FZD5: variants seen among roughly 807,000 people sequenced by gnomAD.
FZD5 encodes the protein frizzled-5.
In FZD5, 12 loss-of-function variants were observed where a neutral mutation model predicts 40.8. The ratio of observed to expected loss-of-function variants is 0.29; its 90% CI spans 0.19 to 0.48. The LOEUF (loss-of-function observed/expected upper bound fraction) is 0.48, where lower values mean the gene tolerates loss of function less well. FZD5 is among the 20% of genes least tolerant of loss of function. The pLI, the probability that FZD5 is intolerant of heterozygous loss-of-function variation, is 0.99. For missense variants in FZD5, 622 were observed against 832.8 expected, an observed-to-expected ratio of 0.75 and a Z score of 3.12; for synonymous variants, 380 against 383.7, an observed-to-expected ratio of 0.99 and a Z score of 0.11.
rs759024245 is a variant in FZD5, at chr2:207,768,226, G to A, written c.514C>T (p.Pro172Ser). The A allele has an allele frequency of 2.6e-6, 4 of 1,564,740 alleles. No homozygotes were observed. The highest frequency in any genetic ancestry group is 2.6e-6 in the Non-Finnish European group (3 of 1,161,006). ...PFPAKPTLPG[P>S]PGAPASGGEC... is the part of the protein sequence containing the mutation. ...CCCCCCGAGGCCGGCGCCCCTGGCG[G>A]GCCTGGAAGGGTGGGCTTGGCTGGG... The change falls in exon 2 of 2, where the codon CCG (proline) becomes TCG (serine). Residue 172 changes from proline (P) to serine (S), a missense_variant. Pro to Ser is a moderately conservative substitution (Grantham distance 74). Coordinates refer to ENST00000295417, the MANE Select transcript of FZD5 (RefSeq NM_003468.4).
rs1187661581 is a variant in FZD5 at position 207,766,334 on chromosome 2, A to T, written c.*648T>A. 1 of 152,350 alleles carries T rather than the reference A, an allele frequency of 6.6e-6. No individual in the cohort carries two copies. Among genetic ancestry groups the T allele is most frequent in the East Asian group, 1.9e-4 (1 of 5,196 alleles). 9.4% of individuals were successfully genotyped at this position (152,350 alleles called of 1,614,324 possible). On this transcript the variant is annotated 3_prime_UTR_variant, in exon 2 of 2. Coordinates refer to ENST00000295417, the MANE Select transcript of FZD5 (RefSeq NM_003468.4). Reference sequence around the variant, plus strand: ...AGAAACTGAACCTCCCTCTATAAACAAAGCTAAGGCTGAACACAAAACCGC... The same window carrying T: ...AGAAACTGAACCTCCCTCTATAAACTAAGCTAAGGCTGAACACAAAACCGC...
rs752016971 is a variant in FZD5 at position 207,767,083 on chromosome 2, C to A, written c.1657G>T (p.Ala553Ser). Reference sequence around the variant, plus strand: ...GCGCTCGCCTCGGGGTAGTCCCCTGCGGCCATGGCGCCCCCGCTCTTGTGG... The same window carrying A: ...GCGCTCGCCTCGGGGTAGTCCCCTGAGGCCATGGCGCCCCCGCTCTTGTGG... ...RGHKSGGAMA[A>S]GDYPEASAAL... is the part of the protein sequence containing the mutation. Residue 553 changes from alanine (A) to serine (S), a missense_variant, in exon 2 of 2, where the codon GCA becomes TCA. Coordinates refer to ENST00000295417, the MANE Select transcript of FZD5 (RefSeq NM_003468.4). The A allele has an allele frequency of 6.3e-7, 1 of 1,591,410 alleles. No homozygotes were observed. The highest frequency in any genetic ancestry group is 8.5e-7 in the Non-Finnish European group (1 of 1,170,384).
rs769682606 is a variant in FZD5 at position 207,768,095 on chromosome 2, C to T, written c.645G>A (p.Val215=). The change falls in exon 2 of 2, where the codon GTG becomes GTA. Residue 215 remains valine (V), a synonymous_variant. Transcript: ENST00000295417. ...GGTAGCAGGGTACCGCGCAGTTGGGCACCTGGCCCGTCCGCACCTTGTTGT... is the reference window on the plus strand; with the variant it reads ...GGTAGCAGGGTACCGCGCAGTTGGGTACCTGGCCCGTCCGCACCTTGTTGT... ...PLYNKVRTGQ[V]PNCAVPCYQP... The T allele has an allele frequency of 1.2e-6, 2 of 1,613,424 alleles. No individual in the cohort carries two copies. Among genetic ancestry groups the T allele is most frequent in the Non-Finnish European group, 1.7e-6 (2 of 1,179,818 alleles).
At position 207,762,983 on chromosome 2, in the gene FZD5, G is replaced by A. The variant is rs190266570; in HGVS notation, c.*3999C>T. ...ATTGATTGTCTACAAATAAAGTATC[G>A]CTGGCTCTAGTGTAACTTCTGGATT... On this transcript the variant is annotated 3_prime_UTR_variant, in exon 2 of 2. Transcript: ENST00000295417. 4.6e-5 allele frequency: 7 copies of A among 152,574 alleles called. No individual in the cohort carries two copies. Among genetic ancestry groups the A allele is most frequent in the African/African-American group, 7.2e-5 (3 of 41,482 alleles). The allele number at this position is 152,574 out of a possible 1,614,324, so 9.5% of individuals were successfully genotyped here. A position where few individuals can be genotyped will look rare whatever the true frequency, so the allele number is the denominator to read the frequency against.
Position 207,766,882 on chromosome 2 carries a change from A to G in FZD5, c.*100T>C. ...CTCCAAGTCGCCGCGGGAGGGGGCA[A>G]CAGCACCATGAAGGTAAACGGAAGT... On this transcript the variant is annotated 3_prime_UTR_variant, in exon 2 of 2. Transcript: ENST00000295417. 1.0e-6 allele frequency: 1 copy of G among 972,842 alleles called. No individual in the cohort carries two copies. Among genetic ancestry groups the G allele is most frequent in the Non-Finnish European group, 1.4e-6 (1 of 701,060 alleles). The allele number at this position is 972,842 out of a possible 1,614,324, so 60.3% of individuals were successfully genotyped here. A position where few individuals can be genotyped will look rare whatever the true frequency, so the allele number is the denominator to read the frequency against.
rs776562411 is a variant in FZD5 at position 207,768,286 on chromosome 2, G to C, written c.454C>G (p.Arg152Gly). 373 of 1,543,418 alleles carry C rather than the reference G, an allele frequency of 2.4e-4. No individual in the cohort carries two copies. Among genetic ancestry groups the C allele is most frequent in the Non-Finnish European group, 3.1e-4 (356 of 1,149,586 alleles). Residue 152 changes from arginine to glycine, a missense_variant, in exon 2 of 2, where the codon CGC becomes GGC. Arg to Gly is a moderately radical substitution (Grantham distance 125, BLOSUM62 -2). Around this residue, in one of 4 missense-constraint regions of FZD5, gnomAD observed 116 missense variants for 117.7 expected, o/e 0.99. Transcript: ENST00000295417. ...GGGGGCGCCGTGGTGGCCTCGCTGC[G>C]GTTGTAATCCATGCAGAGGACCTCG... ...DAEVLCMDYN[R>G]SEATTAPPRP...
chr2:207,763,807 C>G lies in FZD5; in HGVS notation c.*3175G>C, dbSNP rs185192048. Reference sequence around the variant, plus strand: ...TCCTGGCAGCCGGTGTCAGGATTAGCGCAGCTCCAGCCCAGGAGGCAACAG... The same window carrying G: ...TCCTGGCAGCCGGTGTCAGGATTAGGGCAGCTCCAGCCCAGGAGGCAACAG... On this transcript the variant is annotated 3_prime_UTR_variant, in exon 2 of 2. Transcript: ENST00000295417. 1.3e-5 allele frequency: 2 copies of G among 152,734 alleles called. No individual in the cohort carries two copies. The highest frequency in any genetic ancestry group is 3.9e-4 in the East Asian group (2 of 5,180). The allele number at this position is 152,734 out of a possible 1,614,324, so 9.5% of individuals were successfully genotyped here.
In FZD5 at chr2:207,764,009, T is replaced by A. The variant is rs568510169; in HGVS notation, c.*2973A>T. On this transcript the variant is annotated 3_prime_UTR_variant, in exon 2 of 2. Transcript: ENST00000295417. Reference sequence around the variant, plus strand: ...ACCAAGAAAAATTATTTCCAGTCAATTTTACCATTTCAAAATGTGAGAAGG... The same window carrying A: ...ACCAAGAAAAATTATTTCCAGTCAAATTTACCATTTCAAAATGTGAGAAGG... 6.5e-6 allele frequency: 1 copy of A among 152,708 alleles called. No homozygotes were observed. Among genetic ancestry groups the A allele is most frequent in the East Asian group, 1.9e-4 (1 of 5,184 alleles). The allele number at this position is 152,708 out of a possible 1,614,324, so 9.5% of individuals were successfully genotyped here.
chr2:207,766,554 A>AT lies in FZD5; in HGVS notation c.*427dup, dbSNP rs1326177657. 6.5e-5 allele frequency: 10 copies of AT among 153,874 alleles called. No individual in the cohort carries two copies. The highest frequency in any genetic ancestry group is 3.8e-4 in the East Asian group (2 of 5,254). The allele number at this position is 153,874 out of a possible 1,614,324, so 9.5% of individuals were successfully genotyped here. ...AGCAACCGAAACGTTCACTGTTCAC[A>AT]TTTTTTTTTAAAGACACACGTATAG... is the stretch of plus-strand genomic sequence containing the variant. On this transcript the variant is annotated 3_prime_UTR_variant, in exon 2 of 2. Transcript: ENST00000295417.
rs1394761435 is a variant in FZD5 at position 207,764,044 on chromosome 2, G to A, written c.*2938C>T. The A allele has an allele frequency of 2.0e-5, 3 of 152,574 alleles. No homozygotes were observed. The highest frequency in any genetic ancestry group is 7.2e-5 in the African/African-American group (3 of 41,420). 9.5% of individuals were successfully genotyped at this position (152,574 alleles called of 1,614,324 possible). On this transcript the variant is annotated 3_prime_UTR_variant, in exon 2 of 2. Coordinates refer to ENST00000295417, the MANE Select transcript of FZD5 (RefSeq NM_003468.4). ...TCAAAATGTGAGAAGGAAAATCATA[G>A]AAATTAAAAAGATTTCCTAAAATCT...
chr2:207,768,025 T>C lies in FZD5; in HGVS notation c.715A>G (p.Ile239Val). The C allele has an allele frequency of 6.2e-7, 1 of 1,611,266 alleles. No individual in the cohort carries two copies. Residue 239 changes from isoleucine (I) to valine (V), a missense_variant, in exon 2 of 2, where the codon ATA becomes GTA. Coordinates refer to ENST00000295417, the MANE Select transcript of FZD5 (RefSeq NM_003468.4). ...ADERTFATFW[I>V]GLWSVLCFIS... ...AAGCACAGCACCGACCACAGGCCTATCCAGAAGGTGGCGAACGTGCGCTCG... is the reference window on the plus strand; with the variant it reads ...AAGCACAGCACCGACCACAGGCCTACCCAGAAGGTGGCGAACGTGCGCTCG...
rs948754236 is a variant in FZD5 at position 207,769,877 on chromosome 2, G to A, written c.-868C>T. Among the ~76,000 whole-genome samples the A allele has an allele frequency of 1.3e-5, 2 of 152,004 alleles. No homozygotes were observed. Among genetic ancestry groups the A allele is most frequent in the Non-Finnish European group, 2.9e-5 (2 of 67,968 alleles). On this transcript the variant is annotated 5_prime_UTR_variant, in exon 1 of 2. Coordinates refer to ENST00000295417, the MANE Select transcript of FZD5 (RefSeq NM_003468.4). Reference sequence around the variant, plus strand: ...AACCGCGCGCGGCGGCGACCACAGCGGACTCACGGCCGCAGGCTGGCTGCC... The same window carrying A: ...AACCGCGCGCGGCGGCGACCACAGCAGACTCACGGCCGCAGGCTGGCTGCC...
chr2:207,766,960 C>A lies in FZD5; in HGVS notation c.*22G>T, dbSNP rs748002513. 4.2e-6 allele frequency: 6 copies of A among 1,441,850 alleles called. No homozygotes were observed. Among genetic ancestry groups the A allele is most frequent in the Admixed American group, 2.9e-5 (1 of 34,856 alleles). The allele number at this position is 1,441,850 out of a possible 1,614,324, so 89.3% of individuals were successfully genotyped here. Reference sequence around the variant, plus strand: ...GCCCCCCTCCCCTCAGCTCTCCGGCCGAGTCCCTCGGCGGCAGCCTCCTAC... The same window carrying A: ...GCCCCCCTCCCCTCAGCTCTCCGGCAGAGTCCCTCGGCGGCAGCCTCCTAC... On this transcript the variant is annotated 3_prime_UTR_variant, in exon 2 of 2. Transcript: ENST00000295417.
In FZD5 at chr2:207,764,691, C is replaced by T. The variant is rs1351299379; in HGVS notation, c.*2291G>A. The stretch of plus-strand genomic sequence containing the variant: ...AAAAATGAATTAAATCACTTTCATC[C>T]ACTTCATCCCACAACTTTTGGATAC... On this transcript the variant is annotated 3_prime_UTR_variant, in exon 2 of 2. Coordinates refer to ENST00000295417, the MANE Select transcript of FZD5 (RefSeq NM_003468.4). The T allele has an allele frequency of 1.3e-5, 2 of 152,172 alleles. No individual in the cohort carries two copies. Among genetic ancestry groups the T allele is most frequent in the Admixed American group, 1.3e-4 (2 of 15,284 alleles). The allele number at this position is 152,172 out of a possible 1,614,324, so 9.4% of individuals were successfully genotyped here. A position where few individuals can be genotyped will look rare whatever the true frequency, so the allele number is the denominator to read the frequency against.
Position 207,762,672 on chromosome 2 carries a change from C to T in FZD5, c.*4310G>A, listed in dbSNP as rs968897854. On this transcript the variant is annotated 3_prime_UTR_variant, in exon 2 of 2. Coordinates refer to ENST00000295417, the MANE Select transcript of FZD5 (RefSeq NM_003468.4). ...TTAATTGGGAACAAAGAAAAATAGA[C>T]ATTTCTTTGTTTTTCATAAATAACT... The T allele has an allele frequency of 1.8e-4, 27 of 152,554 alleles. No homozygotes were observed. Among genetic ancestry groups the T allele is most frequent in the African/African-American group, 6.5e-4 (27 of 41,420 alleles). The allele number at this position is 152,554 out of a possible 1,614,324, so 9.5% of individuals were successfully genotyped here.
In FZD5 at chr2:207,763,586, T is replaced by G. The variant is rs1321448219; in HGVS notation, c.*3396A>C. 6.5e-6 allele frequency: 1 copy of G among 152,674 alleles called. No individual in the cohort carries two copies. Among genetic ancestry groups the G allele is most frequent in the African/African-American group, 2.4e-5 (1 of 41,460 alleles). 9.5% of individuals were successfully genotyped at this position (152,674 alleles called of 1,614,324 possible). A position where few individuals can be genotyped will look rare whatever the true frequency, so the allele number is the denominator to read the frequency against. On this transcript the variant is annotated 3_prime_UTR_variant, in exon 2 of 2. Transcript: ENST00000295417. ...GCCACATTTAGTGTTAGAAAGCAGTTATTCAAAGCTCTGTCCCTCCTACCC... is the reference window on the plus strand; with the variant it reads ...GCCACATTTAGTGTTAGAAAGCAGTGATTCAAAGCTCTGTCCCTCCTACCC...
chr2:207,766,910 C>T lies in FZD5; in HGVS notation c.*72G>A. The T allele has an allele frequency of 8.0e-7, 1 of 1,246,120 alleles. No individual in the cohort carries two copies. The highest frequency in any genetic ancestry group is 1.1e-6 in the Non-Finnish European group (1 of 936,242). 77.2% of individuals were successfully genotyped at this position (1,246,120 alleles called of 1,614,324 possible). Reference sequence around the variant, plus strand: ...GCACCATGAAGGTAAACGGAAGTGACCTTGGCAAAACTACCAAACAAAACG... The same window carrying T: ...GCACCATGAAGGTAAACGGAAGTGATCTTGGCAAAACTACCAAACAAAACG... On this transcript the variant is annotated 3_prime_UTR_variant, in exon 2 of 2. Coordinates refer to ENST00000295417, the MANE Select transcript of FZD5 (RefSeq NM_003468.4).
chr2:207,769,849 C>G lies in FZD5; in HGVS notation c.-840G>C, dbSNP rs1319183996. On this transcript the variant is annotated 5_prime_UTR_variant, in exon 1 of 2. Transcript: ENST00000295417. ...CCCTTTCGCCCACCTCTGGCGAGCA[C>G]GGAACCGCGCGCGGCGGCGACCACA... 6.6e-6 allele frequency among the ~76,000 whole-genome samples: 1 copy of G among 152,042 alleles called. No individual in the cohort carries two copies. The highest frequency in any genetic ancestry group is 2.4e-5 in the African/African-American group (1 of 41,430).
At position 207,762,963 on chromosome 2, in the gene FZD5, T is replaced by C. The variant is rs1447113062; in HGVS notation, c.*4019A>G. 6.6e-6 allele frequency: 1 copy of C among 152,602 alleles called. No individual in the cohort carries two copies. The highest frequency in any genetic ancestry group is 2.4e-5 in the African/African-American group (1 of 41,436). The allele number at this position is 152,602 out of a possible 1,614,324, so 9.5% of individuals were successfully genotyped here. ...GTAATAACATATGGATTCAAATTGA[T>C]TGTCTACAAATAAAGTATCGCTGGC... On this transcript the variant is annotated 3_prime_UTR_variant, in exon 2 of 2. Transcript: ENST00000295417.
Sources: allele counts gnomAD v4.1 joint callset (sites outside exome capture counted in the v4.1 genomes callset), GRCh38; gene constraint gnomAD v4.1.1; regional missense constraint gnomAD v4.1.1; transcripts MANE v1.5; gene names NCBI Gene and HGNC (gene_info 2026-07-23, HGNC 2026-07-21).